RHBDD1: variants seen among roughly 807,000 people sequenced by gnomAD.
RHBDD1 encodes the protein rhomboid domain containing 1, also known as rhomboid-related protein 4.
In RHBDD1, 38 loss-of-function variants were observed where a neutral mutation model predicts 36.3. The observed-to-expected ratio is 1.05, with a 90% CI of 0.81 to 1.37. The LOEUF is 1.37. RHBDD1 is among the 40% of genes most tolerant of loss of function. The probability of loss-of-function intolerance (pLI) is 0.00; values close to 1 mark genes in which losing one functional copy is unlikely to be tolerated. For missense variants in RHBDD1, 393 were observed against 377.6 expected, an observed-to-expected ratio of 1.04 and a Z score of -0.34; for synonymous variants, 151 against 136.5, an observed-to-expected ratio of 1.11 and a Z score of -0.74.
At chr2:226,874,492 G>C (rs1945048950) in intron 5 of RHBDD1, among the ~76,000 whole-genome samples, 1 of 152,174 alleles carries the variant, frequency 6.6e-6, no homozygotes, top group South Asian at 2.1e-4. Context: ...GTTTGTAGGG[G>C]AGAAACTATT....
chr2:226,969,761 A>C (rs1029679828), intron 8 of RHBDD1, among the ~76,000 whole-genome samples: 4 of 152,214 alleles, frequency 2.6e-5, no homozygotes, highest in Admixed American at 2.0e-4. Flanking sequence ...GTTATTTTTT[A>C]AATGTGATTT....
At chr2:226,932,378 G>A (rs1208193384) in intron 8 of RHBDD1, among the ~76,000 whole-genome samples, 1 of 152,078 alleles carries the variant, frequency 6.6e-6, no homozygotes, top group African/African-American at 2.4e-5. Context: ...CCTACTGATT[G>A]TCTCCTCGAT....
chr2:226,958,846 G>C (rs564903721), intron 8 of RHBDD1, among the ~76,000 whole-genome samples: 1 of 151,988 alleles, frequency 6.6e-6, no homozygotes, highest in South Asian at 2.1e-4. Flanking sequence ...ATCCCTCTTT[G>C]AGTTCATTCC....
In RHBDD1 at chr2:226,953,499, G is replaced by A. The variant is rs141940492; in HGVS notation, c.856+39148G>A. Among the ~76,000 whole-genome samples, 189 of 152,270 alleles carry A rather than the reference G, an allele frequency of 1.2e-3. 1 individual carries two copies. The East Asian group carries it at 0.024, about 19-fold the overall frequency. ...ACCCTGGAAAGAGAGGTTGTTATGA[G>A]CTCAGAGCCACATGGCCTCTCAATC... On this transcript the variant is annotated intron_variant, in intron 8 of 8. Transcript: ENST00000392062.
intron 8 of RHBDD1, among the ~76,000 whole-genome samples, chr2:226,946,624 C>A (rs1951008953): frequency 6.6e-6 from 1 of 152,042 alleles, no homozygotes; most frequent in Non-Finnish European, 1.5e-5. Context: ...AGAGAAGAAT[C>A]AAATAGACAC....
chr2:226,974,251 T>C (rs948517350), intron 8 of RHBDD1, among the ~76,000 whole-genome samples: 1 of 151,804 alleles, frequency 6.6e-6, no homozygotes, highest in Non-Finnish European at 1.5e-5. Flanking sequence ...TTTTATTTTA[T>C]TTTTGAGACA....
chr2:226,890,995 C>G (rs1326702084), intron 5 of RHBDD1, among the ~76,000 whole-genome samples: 1 of 152,148 alleles, frequency 6.6e-6, no homozygotes, highest in Non-Finnish European at 1.5e-5. Flanking sequence ...ATCTCACTAA[C>G]CACCCACCCC....
intron 5 of RHBDD1, among the ~76,000 whole-genome samples, chr2:226,873,616 T>C (rs1183838081): frequency 1.3e-5 from 2 of 152,110 alleles, no homozygotes; most frequent in African/African-American, 2.4e-5. Flanking sequence ...GTAATGGAGC[T>C]GAAGAGCCTT....
chr2:226,919,144 C>T (rs1949124655), intron 8 of RHBDD1, among the ~76,000 whole-genome samples: 1 of 151,978 alleles, frequency 6.6e-6, no homozygotes, highest in Non-Finnish European at 1.5e-5. Context: ...AGATCTTTTG[C>T]ACAGTTTAAA....
At chr2:226,929,833 A>T (rs1405854871) in intron 8 of RHBDD1, among the ~76,000 whole-genome samples, 1 of 152,068 alleles carries the variant, frequency 6.6e-6, no homozygotes, top group African/African-American at 2.4e-5. Flanking sequence ...AATCAGTAGC[A>T]CTGCTACACA....
chr2:226,984,968 T>C (rs73994324), intron 8 of RHBDD1, among the ~76,000 whole-genome samples: 2,086 of 148,878 alleles, frequency 0.014, 58 homozygotes, highest in African/African-American at 0.049. Flanking sequence ...AAGAGGAGGA[T>C]TGGGGGCAAG....
chr2:226,864,567 T>C, intron 3 of RHBDD1, 37 bp from the exon 4 acceptor site: 1 of 756,446 alleles, frequency 1.3e-6, no homozygotes. Flanking sequence ...GTACTAATTC[T>C]TAATTGATGG....
At chr2:226,808,092 A>T in the RHBDD1 span, among the ~76,000 whole-genome samples, 2 of 152,286 alleles carry the variant, frequency 1.3e-5, no homozygotes, top group South Asian at 4.1e-4. Flanking sequence ...GCAGAAGCAG[A>T]CCTCATAAAA....
At chr2:226,875,968 A>G (rs1013642387) in intron 5 of RHBDD1, among the ~76,000 whole-genome samples, 4 of 152,248 alleles carry the variant, frequency 2.6e-5, no homozygotes, top group Non-Finnish European at 5.9e-5. Context: ...GGATTTGCCA[A>G]TTAGTTTCCT....
intron 5 of RHBDD1, among the ~76,000 whole-genome samples, chr2:226,901,535 A>G (rs1947595126): frequency 6.6e-6 from 1 of 152,162 alleles, no homozygotes; most frequent in Non-Finnish European, 1.5e-5. Context: ...ATCCTTGCCC[A>G]CACTTGTTGT....
chr2:226,823,077 G>T, the RHBDD1 span, among the ~76,000 whole-genome samples: 1 of 152,110 alleles, frequency 6.6e-6, no homozygotes, highest in Admixed American at 6.5e-5. Flanking sequence ...AGTGAGCCAA[G>T]AAGACTGCAC....
At chr2:226,805,009 G>A in the RHBDD1 span, 1 of 152,364 alleles carries the variant, frequency 6.6e-6, no homozygotes, top group African/African-American at 2.4e-5. Flanking sequence ...GTGACAGAGT[G>A]AGACTTTGTC....
intron 7 of RHBDD1, among the ~76,000 whole-genome samples, chr2:226,912,377 A>G (rs1948581854): frequency 6.6e-6 from 1 of 152,156 alleles, no homozygotes; most frequent in Non-Finnish European, 1.5e-5. Flanking sequence ...AAATGAAACC[A>G]TATGTCCACC....
chr2:226,901,021 C>T (rs911659219), intron 5 of RHBDD1, among the ~76,000 whole-genome samples: 8 of 152,104 alleles, frequency 5.3e-5, no homozygotes, highest in Admixed American at 2.0e-4. Flanking sequence ...GATCAACATC[C>T]CCCTATTTCT....
Sources: gnomAD v4.1 joint callset for allele counts (sites outside exome capture counted in the v4.1 genomes callset) on GRCh38, gnomAD v4.1.1 for gene constraint, MANE v1.5 for transcripts, NCBI Gene and HGNC (gene_info 2026-07-23, HGNC 2026-07-21) for gene names.